The following TPR variants were observed in gnomAD, a reference collection of about 807,000 sequenced individuals.
TPR encodes nucleoprotein TPR.
TPR carries 51 observed loss-of-function variants against 316.1 expected under a neutral mutation model. That is an observed-to-expected ratio of 0.16 (90% CI 0.13 to 0.20). TPR has a LOEUF of 0.20. Among genes scored for constraint, TPR ranks in the 10% least tolerant of loss-of-function variants. The pLI is 1.00. For synonymous variants in TPR, 981 were observed against 914.7 expected, an observed-to-expected ratio of 1.07 and a Z score of -1.31; for missense variants, 2,272 against 2,754.8, an observed-to-expected ratio of 0.82 and a Z score of 3.92.
chr1:186,339,776 G>C lies in TPR; in HGVS notation c.4021-4C>G. 6.4e-7 allele frequency: 1 copy of C among 1,559,884 alleles called. No homozygotes were observed. The highest frequency in any genetic ancestry group is 8.6e-7 in the Non-Finnish European group (1 of 1,158,968). ...CTTTCTGTTGACTTACTAGATGCTA[G>C]AATAACAAAAATGCATACTTGATTT... On this transcript the variant is annotated splice_polypyrimidine_tract_variant and splice_region_variant and intron_variant, in intron 29 of 50. Coordinates refer to ENST00000367478, the MANE Select transcript of TPR (RefSeq NM_003292.3).
intron 18 of TPR, among the ~76,000 whole-genome samples, chr1:186,352,953 C>G (rs550037037): frequency 6.6e-6 from 1 of 152,130 alleles, no homozygotes; most frequent in Non-Finnish European, 1.5e-5. Flanking sequence ...CATCACAAAA[C>G]TAAGTATTTA....
intron 49 of TPR, among the ~76,000 whole-genome samples, chr1:186,316,493 G>A (rs980952138): frequency 1.3e-5 from 2 of 152,168 alleles, no homozygotes; most frequent in African/African-American, 4.8e-5. Flanking sequence ...CATAAAATCT[G>A]AAGGTTCCAT....
At chr1:186,350,475 G>A (rs765188047) in intron 20 of TPR, 87 bp from the exon 21 acceptor site, 759 of 994,354 alleles carry the variant, frequency 7.6e-4, no homozygotes, top group Non-Finnish European at 9.7e-4. Context: ...TTTGGAGCTC[G>A]GCCAAGAGAG....
intron 13 of TPR, 108 bp downstream of exon 13, chr1:186,358,435 T>A: frequency 3.9e-6 from 3 of 767,702 alleles, no homozygotes; most frequent in Non-Finnish European, 4.1e-6. Context: ...TCCTAATTAA[T>A]TAGAATTTCA....
Position 186,355,722 on chromosome 1 carries a change from T to C in TPR, c.1935A>G (p.Pro645=), listed in dbSNP as rs375073374. ...GAGTGGAAACAGTCTGTGATGTACT[T>C]GGACGTTTTGGAGTTGATGCAAGAG... ...DVSLASTPKR[P]STSQTVSTPA... is the part of the protein sequence containing the mutation. Residue 645 remains proline (P), a synonymous_variant, in exon 16 of 51, where the codon CCA becomes CCG. Coordinates refer to ENST00000367478, the MANE Select transcript of TPR (RefSeq NM_003292.3). 1.2e-5 allele frequency: 19 copies of C among 1,614,024 alleles called. No individual in the cohort carries two copies. Among genetic ancestry groups the C allele is most frequent in the Admixed American group, 5.0e-5 (3 of 59,986 alleles).
At position 186,375,080 on chromosome 1, in the gene TPR, GAAGA is replaced by G; in HGVS notation, c.-56_-53del. The G allele has an allele frequency of 1.9e-6, 3 of 1,609,104 alleles. No individual in the cohort carries two copies. Among genetic ancestry groups the G allele is most frequent in the Non-Finnish European group, 1.7e-6 (2 of 1,178,104 alleles). On this transcript the variant is annotated 5_prime_UTR_variant, in exon 1 of 51. Transcript: ENST00000367478. Reference sequence around the variant, plus strand: ...CAGCGGCCGACGGGGTAGAAGCGGAGAAGAAAGGCGAAGACCAGCAGGACCCAGA... The same window carrying G: ...CAGCGGCCGACGGGGTAGAAGCGGAGAAGGCGAAGACCAGCAGGACCCAGA...
chr1:186,375,148 C>A lies in TPR; in HGVS notation c.-120G>T, dbSNP rs1328289362. 6.5e-7 allele frequency: 1 copy of A among 1,546,022 alleles called. No individual in the cohort carries two copies. Among genetic ancestry groups the A allele is most frequent in the South Asian group, 1.2e-5 (1 of 84,276 alleles). On this transcript the variant is annotated 5_prime_UTR_variant, in exon 1 of 51. Coordinates refer to ENST00000367478, the MANE Select transcript of TPR (RefSeq NM_003292.3). ...GCCTCTATCACCTCGCTCGGTGGCTCGCGCGCGCCCGCCCGCCGGAGACTC... is the reference window on the plus strand; with the variant it reads ...GCCTCTATCACCTCGCTCGGTGGCTAGCGCGCGCCCGCCCGCCGGAGACTC...
chr1:186,360,399 A>G (rs1229799628), intron 10 of TPR, 35 bp from the exon 11 acceptor site: 2 of 1,601,350 alleles, frequency 1.2e-6, no homozygotes, highest in East Asian at 2.2e-5. Flanking sequence ...TATAATTTGT[A>G]AAATTCCAAA....
chr1:186,313,069 G>A lies in TPR; in HGVS notation c.*902C>T, dbSNP rs1657403904. 6.0e-6 allele frequency: 4 copies of A among 665,280 alleles called. No individual in the cohort carries two copies. In the South Asian group the frequency reaches 7.3e-5, roughly 12 times the overall value. 41.2% of individuals were successfully genotyped at this position (665,280 alleles called of 1,614,324 possible). On this transcript the variant is annotated 3_prime_UTR_variant, in exon 51 of 51. Coordinates refer to ENST00000367478, the MANE Select transcript of TPR (RefSeq NM_003292.3). Reference sequence around the variant, plus strand: ...TTGCTTTAATTTCAATTAAAATGATGGCACTGCAATTCAATTCTGCTCTAA... The same window carrying A: ...TTGCTTTAATTTCAATTAAAATGATAGCACTGCAATTCAATTCTGCTCTAA...
chr1:186,360,198 A>G (rs1659142146), intron 11 of TPR, 75 bp downstream of exon 11: 1 of 1,507,740 alleles, frequency 6.6e-7, no homozygotes, highest in African/African-American at 1.4e-5. Flanking sequence ...AAGTTTTGGG[A>G]GAATTAAATT....
chr1:186,360,535 G>C (rs1289780192), intron 10 of TPR, among the ~76,000 whole-genome samples, 171 bp from the exon 11 acceptor site: 1 of 151,956 alleles, frequency 6.6e-6, no homozygotes, highest in African/African-American at 2.4e-5. Context: ...AAAAAATCAT[G>C]CAATAACCTG....
At chr1:186,325,997 C>A (rs1466712418) in intron 41 of TPR, 107 bp downstream of exon 41, 12 of 1,561,310 alleles carry the variant, frequency 7.7e-6, no homozygotes, top group African/African-American at 1.4e-5. Flanking sequence ...AACAAAACAA[C>A]CAAAGGTTTT....
chr1:186,339,715 C>A lies in TPR; in HGVS notation c.4078G>T (p.Glu1360Ter). The stretch of plus-strand genomic sequence containing the variant: ...ATACGCTTAGTATGAACTTCCTTTT[C>A]AGAAAGGAGCTTCCGATATTCTTCT... The part of the protein sequence containing the change: ...DTEEYRKLLS[E>*]KEVHTKRIQQ... Residue 1360 changes from glutamate to a stop codon, truncating the protein, a stop_gained, in exon 30 of 51, where the codon GAA becomes TAA. Coordinates refer to ENST00000367478, the MANE Select transcript of TPR (RefSeq NM_003292.3). LOFTEE classifies it high-confidence loss of function. The A allele has an allele frequency of 1.2e-6, 2 of 1,604,112 alleles. No individual in the cohort carries two copies. Among genetic ancestry groups the A allele is most frequent in the Non-Finnish European group, 1.7e-6 (2 of 1,175,152 alleles).
In TPR at chr1:186,339,547, T is replaced by C. The variant is rs939352980; in HGVS notation, c.4151+95A>G. 40 of 1,105,512 alleles carry C rather than the reference T, an allele frequency of 3.6e-5. No homozygotes were observed. The African/African-American group carries it at 6.0e-4, about 17-fold the overall frequency. The allele number at this position is 1,105,512 out of a possible 1,614,324, so 68.5% of individuals were successfully genotyped here. On this transcript the variant is annotated intron_variant, in intron 30 of 50. Coordinates refer to ENST00000367478, the MANE Select transcript of TPR (RefSeq NM_003292.3). ...AGGTGCTCTAGCACTTTCCATTCTT[T>C]CTAAAACCAGGAGGCAGGCACTTGG...
chr1:186,355,758 T>C lies in TPR; in HGVS notation c.1899A>G (p.Leu633=). Residue 633 remains leucine, a synonymous_variant, in exon 16 of 51, where the codon TTA becomes TTG. Transcript: ENST00000367478. ...GVAIPLHASS[L]DDVSLASTPK... ...GAGTTGATGCAAGAGAAACATCATC[T>C]AAGCTTGAAGCTTCAGGAAAGTAAA... 1 of 1,613,900 alleles carries C rather than the reference T, an allele frequency of 6.2e-7. No homozygotes were observed. Among genetic ancestry groups the C allele is most frequent in the Non-Finnish European group, 8.5e-7 (1 of 1,179,970 alleles).
chr1:186,333,180 C>T lies in TPR; in HGVS notation c.5397G>A (p.Glu1799=). The change falls in exon 37 of 51, where the codon GAG becomes GAA. Residue 1799 remains glutamate (E), a synonymous_variant. Transcript: ENST00000367478. The part of the protein sequence containing the change: ...ANQELSSNIV[E]VVQSSPVERP... The stretch of plus-strand genomic sequence containing the variant: ...GCTCAACTGGTGAACTCTGAACAAC[C>T]TCTACTATGTTTGAAGATAACTCTT... The T allele has an allele frequency of 6.2e-7, 1 of 1,613,536 alleles. No individual in the cohort carries two copies. Among genetic ancestry groups the T allele is most frequent in the Middle Eastern group, 1.7e-4 (1 of 6,056 alleles).
Position 186,318,315 on chromosome 1 carries a change from G to A in TPR, c.6821+132C>T, listed in dbSNP as rs558393306. ...TGCACTCCAGCATGGGCGACAGAGC[G>A]AGACTCTGTCTCAAAAAAAAAAACA... On this transcript the variant is annotated intron_variant, in intron 48 of 50. Transcript: ENST00000367478. The A allele has an allele frequency of 1.3e-5, 15 of 1,181,942 alleles. No homozygotes were observed. The African/African-American group carries it at 1.4e-4, about 11-fold the overall frequency. The allele number at this position is 1,181,942 out of a possible 1,614,324, so 73.2% of individuals were successfully genotyped here.
intron 39 of TPR, among the ~76,000 whole-genome samples, chr1:186,328,814 T>C (rs1658073437): frequency 6.6e-6 from 1 of 152,198 alleles, no homozygotes; most frequent in African/African-American, 2.4e-5. Flanking sequence ...CACAATTCTA[T>C]TTTGTTAACT....
Position 186,333,274 on chromosome 1 carries a change from T to G in TPR, c.5303A>C (p.Gln1768Pro). ...SISQPILTVQ[Q>P]QTQATAFVQP... ...CACAAAAGCTGTAGCCTGTGTTTGTTGCTGAACAGTTAAAATAGGTTGAGA... is the reference window on the plus strand; with the variant it reads ...CACAAAAGCTGTAGCCTGTGTTTGTGGCTGAACAGTTAAAATAGGTTGAGA... The change falls in exon 37 of 51, where the codon CAA (glutamine) becomes CCA (proline). Residue 1768 changes from glutamine (Q) to proline (P), a missense_variant. Around this residue, in one of 10 missense-constraint regions of TPR, gnomAD observed 435 missense variants for 461.1 expected, o/e 0.94. Coordinates refer to ENST00000367478, the MANE Select transcript of TPR (RefSeq NM_003292.3). 1 of 1,613,750 alleles carries G rather than the reference T, an allele frequency of 6.2e-7. No individual in the cohort carries two copies. Among genetic ancestry groups the G allele is most frequent in the Non-Finnish European group, 8.5e-7 (1 of 1,179,714 alleles).
Sources: allele counts gnomAD v4.1 joint callset (sites outside exome capture counted in the v4.1 genomes callset), GRCh38; gene constraint gnomAD v4.1.1; regional missense constraint gnomAD v4.1.1; transcripts MANE v1.5; gene names NCBI Gene and HGNC (gene_info 2026-07-23, HGNC 2026-07-21).